Variants in TGFBR2 observed in about 807,000 individuals in gnomAD.
TGFBR2 encodes TGF-beta receptor type-2.
TGFBR2 carries 18 observed loss-of-function variants against 49.0 expected under a neutral mutation model. That is an observed-to-expected ratio of 0.37 (90% confidence interval 0.25 to 0.54). The LOEUF is 0.54. Ranked by LOEUF, TGFBR2 falls within the 20% of genes least tolerant of loss-of-function variation. The pLI, the probability that TGFBR2 is intolerant of heterozygous loss-of-function variation, is 0.85. For missense variants in TGFBR2, 525 were observed against 722.6 expected, an observed-to-expected ratio of 0.73 and a Z score of 3.13; for synonymous variants, 282 against 275.9, an observed-to-expected ratio of 1.02 and a Z score of -0.22.
chr3:30,668,784 T>TC (rs199656820), intron 3 of TGFBR2, among the ~76,000 whole-genome samples: 1 of 152,004 alleles, frequency 6.6e-6, no homozygotes, highest in Non-Finnish European at 1.5e-5. Flanking sequence ...ATTTTTTTTT[T>TC]CCCTCTTGGT....
chr3:30,661,416 A>G (rs945546103), intron 3 of TGFBR2: 2 of 358,948 alleles, frequency 5.6e-6, no homozygotes, highest in African/African-American at 4.3e-5. Flanking sequence ...GCAGGAATCT[A>G]TATCCTAAGG....
Position 30,688,529 on chromosome 3 carries a change from A to T in TGFBR2, c.1524+18A>T, listed in dbSNP as rs1699662535. On this transcript the variant is annotated intron_variant, in intron 6 of 6. Coordinates refer to ENST00000295754, the MANE Select transcript of TGFBR2 (RefSeq NM_003242.6). ...ACCACCAGGTAAGGAGTGAGTGTTT[A>T]CAAAGGTCAGTAAGATTCAACCAAG... is the stretch of plus-strand genomic sequence containing the variant. 2 of 1,613,982 alleles carry T rather than the reference A, an allele frequency of 1.2e-6. No individual in the cohort carries two copies. The highest frequency in any genetic ancestry group is 2.7e-5 in the African/African-American group (2 of 74,956).
Position 30,637,810 on chromosome 3 carries a change from A to G in TGFBR2, c.95-6937A>G, listed in dbSNP as rs115324790. Among the ~76,000 whole-genome samples the G allele has an allele frequency of 3.3e-3, 505 of 152,340 alleles. 1 individual carries two copies. The highest frequency in any genetic ancestry group is 0.011 in the African/African-American group (459 of 41,582). On this transcript the variant is annotated intron_variant, in intron 1 of 6. Coordinates refer to ENST00000295754, the MANE Select transcript of TGFBR2 (RefSeq NM_003242.6). The stretch of plus-strand genomic sequence containing the variant: ...AAAAAAAACCTGTTTGTCCTTACAA[A>G]CAACACTGCAGCGAATTTATCAATG...
chr3:30,679,541 C>G (rs1188973685), intron 5 of TGFBR2, among the ~76,000 whole-genome samples: 1 of 152,106 alleles, frequency 6.6e-6, no homozygotes, highest in African/African-American at 2.4e-5. Context: ...AGAGAGTGGT[C>G]AGAGAGAAAG....
At chr3:30,610,533 A>G (rs1698010624) in intron 1 of TGFBR2, among the ~76,000 whole-genome samples, 2 of 152,100 alleles carry the variant, frequency 1.3e-5, no homozygotes, top group Admixed American at 1.3e-4. Context: ...CTCTTTGAGG[A>G]TAGGCTGGTG....
intron 1 of TGFBR2, among the ~76,000 whole-genome samples, chr3:30,625,302 G>A (rs904350082): frequency 8.5e-5 from 13 of 152,244 alleles, no homozygotes; most frequent in African/African-American, 3.1e-4. Flanking sequence ...CTTGTGTAAC[G>A]TCTGTTTAGC....
chr3:30,683,975 T>C (rs1420745767), intron 5 of TGFBR2, among the ~76,000 whole-genome samples: 1 of 152,196 alleles, frequency 6.6e-6, no homozygotes, highest in Non-Finnish European at 1.5e-5. Context: ...GGCCACGATC[T>C]TCCCTTCTTC....
At chr3:30,626,776 A>C (rs1247295227) in intron 1 of TGFBR2, 4 of 152,358 alleles carry the variant, frequency 2.6e-5, no homozygotes, top group African/African-American at 9.6e-5. Context: ...AACTCCTTCC[A>C]GGGGCTGAGC....
chr3:30,646,002 A>T (rs1017376002), intron 2 of TGFBR2, among the ~76,000 whole-genome samples: 4 of 152,244 alleles, frequency 2.6e-5, no homozygotes, highest in African/African-American at 9.6e-5. Context: ...ACATAAATTC[A>T]TTAATGAGAT....
Position 30,606,862 on chromosome 3 carries a change from A to C in TGFBR2, c.-22A>C, listed in dbSNP as rs763748763. ...GTCCGCTGCGCTGGGGGCTCGGTCT[A>C]TGACGAGCAGCGGGGTCTGCCATGG... On this transcript the variant is annotated 5_prime_UTR_variant, in exon 1 of 7. The change abolishes an upstream ATG in the 5' untranslated region. Coordinates refer to ENST00000295754, the MANE Select transcript of TGFBR2 (RefSeq NM_003242.6). 6.8e-7 allele frequency: 1 copy of C among 1,475,392 alleles called. No individual in the cohort carries two copies. The highest frequency in any genetic ancestry group is 1.4e-5 in the African/African-American group (1 of 69,742). 91.4% of individuals were successfully genotyped at this position (1,475,392 alleles called of 1,614,324 possible). A position where few individuals can be genotyped will look rare whatever the true frequency, so the allele number is the denominator to read the frequency against.
chr3:30,624,509 G>A lies in TGFBR2; in HGVS notation c.94+17532G>A, dbSNP rs190609107. Among the ~76,000 whole-genome samples the A allele has an allele frequency of 1.6e-4, 25 of 152,118 alleles. No homozygotes were observed. The East Asian group carries it at 4.3e-3, about 26-fold the overall frequency. ...CACGTGCCTCTAGTCCCAGCTATTCGGGAGGCTGAGGCAAGGGAATCACTT... is the reference window on the plus strand; with the variant it reads ...CACGTGCCTCTAGTCCCAGCTATTCAGGAGGCTGAGGCAAGGGAATCACTT... On this transcript the variant is annotated intron_variant, in intron 1 of 6. Transcript: ENST00000295754.
In TGFBR2 at chr3:30,672,402, A is replaced by G. The variant is rs1559467311; in HGVS notation, c.1219A>G (p.Thr407Ala). ...TGGGCTTTCCCTGCGTCTGGACCCT[A>G]CTCTGTCTGTGGATGACCTGGCTAA... ...DFGLSLRLDP[T>A]LSVDDLANSG... Residue 407 changes from threonine (T) to alanine (A), a missense_variant, in exon 4 of 7, where the codon ACT (threonine) becomes GCT (alanine). Physicochemically the swap from Thr to Ala is moderately conservative, Grantham distance 58 (BLOSUM62 0). Around this residue, in one of 3 missense-constraint regions of TGFBR2, gnomAD observed 45 missense variants for 111.0 expected, o/e 0.41. Transcript: ENST00000295754. This position sits in a 1 kb window ranked among gnomAD's most constrained non-coding sequence, Gnocchi z 4.5. 3.7e-6 allele frequency: 6 copies of G among 1,614,088 alleles called. No homozygotes were observed. Among genetic ancestry groups the G allele is most frequent in the Non-Finnish European group, 5.1e-6 (6 of 1,180,004 alleles).
At chr3:30,665,259 C>T (rs536574678) in intron 3 of TGFBR2, among the ~76,000 whole-genome samples, 2 of 152,294 alleles carry the variant, frequency 1.3e-5, no homozygotes, top group Admixed American at 6.5e-5. Context: ...TTAATTATAA[C>T]ATTAAAAGGA....
chr3:30,656,520 G>T (rs1699003007), intron 3 of TGFBR2, among the ~76,000 whole-genome samples: 1 of 152,192 alleles, frequency 6.6e-6, no homozygotes, highest in Non-Finnish European at 1.5e-5. Context: ...GCCCTGGAGA[G>T]TAATAGTGTG....
chr3:30,657,808 C>T (rs1699035954), intron 3 of TGFBR2, among the ~76,000 whole-genome samples: 1 of 152,146 alleles, frequency 6.6e-6, no homozygotes, highest in South Asian at 2.1e-4. Context: ...ATAAGGAGTC[C>T]TGTGAATCAA....
chr3:30,645,881 A>T (rs1370489387), intron 2 of TGFBR2, among the ~76,000 whole-genome samples: 1 of 152,098 alleles, frequency 6.6e-6, no homozygotes, highest in African/African-American at 2.4e-5. Context: ...AATAATAATT[A>T]TACATACACA....
At chr3:30,660,682 GA>G (rs1699106905) in intron 3 of TGFBR2, among the ~76,000 whole-genome samples, 1 of 152,150 alleles carries the variant, frequency 6.6e-6, no homozygotes, top group Admixed American at 6.5e-5. Context: ...TTTAAGAGGG[GA>G]TATTATTTTG....
intron 3 of TGFBR2, among the ~76,000 whole-genome samples, chr3:30,662,057 G>C (rs1559463447): frequency 6.6e-6 from 1 of 152,160 alleles, no homozygotes; most frequent in Admixed American, 6.5e-5. Context: ...TCCAGCAGGA[G>C]TTTAATAGTT....
chr3:30,645,885 A>C (rs561263445), intron 2 of TGFBR2, among the ~76,000 whole-genome samples: 1 of 152,068 alleles, frequency 6.6e-6, no homozygotes, highest in East Asian at 1.9e-4. Flanking sequence ...ATAATTATAC[A>C]TACACAGTGG....
Sources: gnomAD v4.1 joint callset for allele counts (sites outside exome capture counted in the v4.1 genomes callset) on GRCh38, gnomAD v4.1.1 for gene constraint, gnomAD v4.1.1 regional missense constraint, Gnocchi (gnomAD v3.1) non-coding constraint, MANE v1.5 for transcripts, NCBI Gene and HGNC (gene_info 2026-07-23, HGNC 2026-07-21) for gene names.